GABRR3: variants seen among roughly 807,000 people sequenced by gnomAD.
GABRR3 encodes gamma-aminobutyric acid type A receptor subunit rho3.
Under a neutral mutation model 43.2 loss-of-function variants are expected in GABRR3, and 29 were observed. That is an observed-to-expected ratio of 0.67 (90% CI 0.50 to 0.92). The LOEUF is 0.92. Among genes scored for constraint, GABRR3 ranks in the 40% least tolerant of loss-of-function variants. The probability of loss-of-function intolerance (pLI) is 0.00; values close to 1 mark genes in which losing one functional copy is unlikely to be tolerated. For missense variants in GABRR3, 576 were observed against 572.3 expected (o/e 1.01, Z -0.07); for synonymous variants, 206 against 195.9 (o/e 1.05, Z -0.43).
intron 2 of GABRR3, among the ~76,000 whole-genome samples, chr3:98,031,472 C>T (rs551573219): frequency 4.6e-5 from 7 of 152,256 alleles, no homozygotes; most frequent in South Asian, 2.1e-4. Context: ...GCTGTGGGCA[C>T]GGTGGCTCAT....
intron 9 of GABRR3, among the ~76,000 whole-genome samples, chr3:97,992,372 C>T (rs1706479927): frequency 2.0e-5 from 3 of 152,134 alleles, no homozygotes; most frequent in African/African-American, 7.2e-5. Context: ...AGCTGTGTGA[C>T]CTTGGCCAAA....
At chr3:97,985,583 G>T (rs935472511), downstream of GABRR3, among the ~76,000 whole-genome samples, 1 of 152,134 alleles carries the variant, frequency 6.6e-6, no homozygotes, top group Admixed American at 6.5e-5. Flanking sequence ...CTTAGAGAAG[G>T]CAGGAACGCT....
intron 2 of GABRR3, among the ~76,000 whole-genome samples, chr3:98,033,545 G>A (rs975899333): frequency 1.3e-5 from 2 of 152,092 alleles, no homozygotes; most frequent in African/African-American, 4.8e-5. Flanking sequence ...TGATGAATTA[G>A]CTACTATAGT....
chr3:97,986,661 T>G (rs753722028), downstream of GABRR3: 220 of 1,435,738 alleles, frequency 1.5e-4, no homozygotes, highest in South Asian at 2.6e-3. Context: ...GCTTTAAAGT[T>G]GTATACATTT....
chr3:97,988,192 C>T (rs1027837532), intron 9 of GABRR3, among the ~76,000 whole-genome samples: 9 of 151,910 alleles, frequency 5.9e-5, no homozygotes, highest in African/African-American at 2.2e-4. Context: ...CCATCACTGT[C>T]GGGCACCCCC....
chr3:97,986,479 C>A (rs1706387768), downstream of GABRR3, among the ~76,000 whole-genome samples: 1 of 152,174 alleles, frequency 6.6e-6, no homozygotes, highest in Admixed American at 6.5e-5. Context: ...ATACACATGC[C>A]TATGACTCTT....
At chr3:98,022,027 C>A (rs1706955111) in intron 3 of GABRR3, among the ~76,000 whole-genome samples, 1 of 152,134 alleles carries the variant, frequency 6.6e-6, no homozygotes, top group Non-Finnish European at 1.5e-5. Flanking sequence ...AGGAAAGTAG[C>A]CAGATCCTTC....
At chr3:98,032,272 G>A (rs1402808629) in intron 2 of GABRR3, among the ~76,000 whole-genome samples, 1 of 152,148 alleles carries the variant, frequency 6.6e-6, no homozygotes, top group African/African-American at 2.4e-5. Flanking sequence ...TAATTTAATT[G>A]CAGGCTTATA....
At chr3:98,013,798 G>A (rs1459830367) in intron 4 of GABRR3, among the ~76,000 whole-genome samples, 2 of 152,150 alleles carry the variant, frequency 1.3e-5, no homozygotes, top group African/African-American at 2.4e-5. Flanking sequence ...GAATTGTGTG[G>A]GTTACTGCAC....
chr3:97,987,260 G>A (rs1458264415), intron 9 of GABRR3, among the ~76,000 whole-genome samples: 1 of 152,144 alleles, frequency 6.6e-6, no homozygotes, highest in Non-Finnish European at 1.5e-5. Flanking sequence ...CCATTGAAAT[G>A]CAAATTAGCC....
At chr3:98,001,735 G>A in exon 8 of GABRR3, 1 of 1,613,138 alleles carries the variant, frequency 6.2e-7, no homozygotes, top group Non-Finnish European at 8.5e-7. Context: ...TGCCTCCTTA[G>A]CACAAAGTTG....
intron 3 of GABRR3, among the ~76,000 whole-genome samples, chr3:98,019,666 A>G (rs1035039110): frequency 6.6e-6 from 1 of 151,990 alleles, no homozygotes; most frequent in Non-Finnish European, 1.5e-5. Flanking sequence ...GCTCACTGCA[A>G]CCTCTGCCTC....
chr3:98,009,345 A>G (rs916928289), intron 5 of GABRR3, among the ~76,000 whole-genome samples: 1 of 152,222 alleles, frequency 6.6e-6, no homozygotes, highest in African/African-American at 2.4e-5. Flanking sequence ...ACACTCTTCA[A>G]AGTGAGAGAC....
downstream of GABRR3, among the ~76,000 whole-genome samples, chr3:97,986,040 A>T (rs1000944874): frequency 5.3e-5 from 8 of 151,920 alleles, no homozygotes; most frequent in Non-Finnish European, 1.0e-4. Flanking sequence ...TAATTTTTGT[A>T]CGTTTAGTAG....
intron 7 of GABRR3, 193 bp from the exon 8 acceptor site, chr3:98,001,960 T>C (rs868405082): frequency 2.9e-5 from 5 of 170,542 alleles, no homozygotes; most frequent in Middle Eastern, 3.0e-3. Flanking sequence ...CTTAATTATT[T>C]GACTCAAAGA....
intron 3 of GABRR3, among the ~76,000 whole-genome samples, chr3:98,020,182 G>A (rs575192938): frequency 8.5e-5 from 13 of 152,220 alleles, no homozygotes; most frequent in Admixed American, 6.5e-4. Context: ...TTAGGCTAGA[G>A]TTTGAAACCA....
At chr3:98,022,627 G>T (rs1318274193) in intron 3 of GABRR3, among the ~76,000 whole-genome samples, 2 of 152,132 alleles carry the variant, frequency 1.3e-5, no homozygotes, top group Non-Finnish European at 2.9e-5. Flanking sequence ...GAAGGTTAAG[G>T]GGTGTCTTTC....
Position 97,992,837 on chromosome 3 carries a change from A to G in GABRR3, c.1104+15T>C. The G allele has an allele frequency of 6.3e-7, 1 of 1,576,170 alleles. No individual in the cohort carries two copies. Among genetic ancestry groups the G allele is most frequent in the Non-Finnish European group, 8.6e-7 (1 of 1,160,680 alleles). ...ACATTCCCCAAGGGATCTGATAGTC[A>G]GAGCAAGGCTGTACCTTTCCTGTCT... On this transcript the variant is annotated intron_variant, in intron 9 of 9. Transcript: ENST00000621172.
Position 98,015,463 on chromosome 3 carries a change from T to C in GABRR3, c.306+2192A>G, listed in dbSNP as rs568665099. 2.0e-5 allele frequency among the ~76,000 whole-genome samples: 3 copies of C among 152,346 alleles called. No homozygotes were observed. In the South Asian group the frequency reaches 6.2e-4, roughly 32 times the overall value. Reference sequence around the variant, plus strand: ...TGGCCACCTTGGCCTCCCGAAGTGCTGGGATTATAGGCATGAGCCACTGCT... The same window carrying C: ...TGGCCACCTTGGCCTCCCGAAGTGCCGGGATTATAGGCATGAGCCACTGCT... On this transcript the variant is annotated intron_variant, in intron 4 of 9. Coordinates refer to ENST00000621172, the Ensembl canonical transcript of GABRR3.
Sources: gnomAD v4.1 joint callset for allele counts (sites outside exome capture counted in the v4.1 genomes callset) on GRCh38, gnomAD v4.1.1 for gene constraint, MANE v1.5 for transcripts, NCBI Gene and HGNC (gene_info 2026-07-23, HGNC 2026-07-21) for gene names.